Variants in DNM1 observed in about 807,000 individuals in gnomAD.
The protein encoded by DNM1 is dynamin-1.
A neutral mutation model predicts 104.6 loss-of-function variants in DNM1; 29 were observed. The ratio of observed to expected loss-of-function variants is 0.28; its 90% CI spans 0.21 to 0.38. The LOEUF (loss-of-function observed/expected upper bound fraction) is 0.38. DNM1 is among the 10% of genes least tolerant of loss of function. The pLI, the probability that DNM1 is intolerant of heterozygous loss-of-function variation, is 1.00. For missense variants in DNM1, 640 were observed against 1,189.4 expected (o/e 0.54, Z 6.79); for synonymous variants, 445 against 475.8 (o/e 0.94, Z 0.84).
chr9:128,237,888 T>C (rs7039261), intron 11 of DNM1, among the ~76,000 whole-genome samples: 9,719 of 151,500 alleles, frequency 0.064, 782 homozygotes, highest in African/African-American at 0.19. Context: ...GATCCTCCCA[T>C]CTTAGCTTCC....
chr9:128,232,186 C>A (rs1285953961), intron 10 of DNM1: 1 of 394,818 alleles, frequency 2.5e-6, no homozygotes, highest in Non-Finnish European at 5.1e-6. Flanking sequence ...CTCCTTCTCC[C>A]TGCTCCTCCA....
chr9:128,246,175 C>T (rs1251936170), intron 15 of DNM1, among the ~76,000 whole-genome samples: 2 of 152,166 alleles, frequency 1.3e-5, no homozygotes, highest in South Asian at 2.1e-4. Flanking sequence ...AGCCCCCTGG[C>T]CCCCGGCATA....
At chr9:128,237,266 CT>C (rs11298166) in intron 11 of DNM1, among the ~76,000 whole-genome samples, 48,683 of 146,736 alleles carry the variant, frequency 0.33, 9,505 homozygotes, top group African/African-American at 0.55. Flanking sequence ...TATCCTTGTT[CT>C]TTTTTTTTTT....
chr9:128,245,124 G>A lies in DNM1; in HGVS notation c.1672-1270G>A, dbSNP rs531769895. On this transcript the variant is annotated intron_variant, in intron 15 of 21. Coordinates refer to ENST00000372923, the MANE Select transcript of DNM1 (RefSeq NM_004408.4). The surrounding 1 kb of genome is among the most constrained non-coding windows in gnomAD (Gnocchi z 5.2). Reference sequence around the variant, plus strand: ...CCCGAAGCACAGGGCGGGTGGTGGCGGGGCCTCTCTCGAACGGTTCCAGAT... The same window carrying A: ...CCCGAAGCACAGGGCGGGTGGTGGCAGGGCCTCTCTCGAACGGTTCCAGAT... The A allele has an allele frequency of 9.6e-5, 21 of 218,334 alleles. No homozygotes were observed. Among genetic ancestry groups the A allele is most frequent in the Non-Finnish European group, 1.7e-4 (18 of 104,088 alleles). The allele number at this position is 218,334 out of a possible 1,614,324, so 13.5% of individuals were successfully genotyped here. A position where few individuals can be genotyped will look rare whatever the true frequency, so the allele number is the denominator to read the frequency against.
Position 128,234,124 on chromosome 9 carries a change from C to T in DNM1, c.1422+17C>T, listed in dbSNP as rs1835863584. 1 of 1,512,994 alleles carries T rather than the reference C, an allele frequency of 6.6e-7. No individual in the cohort carries two copies. Among genetic ancestry groups the T allele is most frequent in the Non-Finnish European group, 8.9e-7 (1 of 1,125,802 alleles). 93.7% of individuals were successfully genotyped at this position (1,512,994 alleles called of 1,614,324 possible). On this transcript the variant is annotated intron_variant, in intron 11 of 21. Coordinates refer to ENST00000372923, the MANE Select transcript of DNM1 (RefSeq NM_004408.4). ...AAGGAGCAGGTGAGCCCCGCAGCAC[C>T]CGGCCTGGCCGCGCCTTCCTTCCAC...
chr9:128,247,787 G>A lies in DNM1; in HGVS notation c.1894-137G>A, dbSNP rs1405503031. On this transcript the variant is annotated intron_variant, in intron 17 of 21. Transcript: ENST00000372923. This position sits in a 1 kb window ranked among gnomAD's most constrained non-coding sequence, Gnocchi z 5.1. ...CTTTTCTCCCCTATTTCACTGTGGC[G>A]ATGTCTAGAGTAGCCTGAGAGTTGG... The A allele has an allele frequency of 1.1e-5, 13 of 1,142,218 alleles. No homozygotes were observed. The highest frequency in any genetic ancestry group is 2.3e-5 in the Admixed American group (1 of 44,260). 70.8% of individuals were successfully genotyped at this position (1,142,218 alleles called of 1,614,324 possible).
chr9:128,211,089 C>T (rs536838683), intron 1 of DNM1, among the ~76,000 whole-genome samples: 1 of 152,266 alleles, frequency 6.6e-6, no homozygotes, highest in Non-Finnish European at 1.5e-5. Context: ...CCCCCATCCT[C>T]CCCATCTGAC....
Position 128,218,269 on chromosome 9 carries a change from G to A in DNM1, c.200G>A (p.Arg67His). 1 of 1,614,060 alleles carries A rather than the reference G, an allele frequency of 6.2e-7. No homozygotes were observed. Among genetic ancestry groups the A allele is most frequent in the Non-Finnish European group, 8.5e-7 (1 of 1,180,006 alleles). Residue 67 changes from arginine to histidine, a missense_variant, in exon 2 of 22, where the codon CGT (arginine) becomes CAT (histidine). Physicochemically the swap from Arg to His is conservative, Grantham distance 29. Around this residue, in one of 7 missense-constraint regions of DNM1, gnomAD observed 172 missense variants for 335.3 expected, o/e 0.51. Transcript: ENST00000372923. The surrounding 1 kb of genome is among the most constrained non-coding windows in gnomAD (Gnocchi z 4.8). ...CGAGGATCTGGCATTGTCACCCGAC[G>A]TCCCCTGGTCTTGCAGCTGGTCAAT... is the stretch of plus-strand genomic sequence containing the variant. Reference protein sequence around the residue: ...LPRGSGIVTRRPLVLQLVNAT... With the variant: ...LPRGSGIVTRHPLVLQLVNAT...
rs771676863 is a variant in DNM1, at chr9:128,224,207, A to G, written c.1197-44A>G. The G allele has an allele frequency of 3.8e-6, 6 of 1,592,456 alleles. No individual in the cohort carries two copies. The South Asian group carries it at 6.9e-5, about 18-fold the overall frequency. Reference sequence around the variant, plus strand: ...CCTCGGCCTGGCCCTCCTGGCCGGCACTGGCCTGTGACACTCTGCCCTTCT... The same window carrying G: ...CCTCGGCCTGGCCCTCCTGGCCGGCGCTGGCCTGTGACACTCTGCCCTTCT... On this transcript the variant is annotated intron_variant, in intron 9 of 21. Transcript: ENST00000372923. This position sits in a 1 kb window ranked among gnomAD's most constrained non-coding sequence, Gnocchi z 4.3.
chr9:128,222,721 G>T lies in DNM1; in HGVS notation c.1129-72G>T. 3 of 1,605,130 alleles carry T rather than the reference G, an allele frequency of 1.9e-6. No individual in the cohort carries two copies. The highest frequency in any genetic ancestry group is 2.6e-6 in the Non-Finnish European group (3 of 1,172,986). On this transcript the variant is annotated intron_variant, in intron 8 of 21. Transcript: ENST00000372923. The surrounding 1 kb of genome is among the most constrained non-coding windows in gnomAD (Gnocchi z 7.8). The stretch of plus-strand genomic sequence containing the variant: ...CCCTGATGCCCAGCCCTAGGTGTGG[G>T]GTGGGCCCTGTCTTGACCTCCCAGG...
At chr9:128,234,141 T>G (rs1564341873) in intron 11 of DNM1, 34 bp downstream of exon 11, 1 of 1,485,964 alleles carries the variant, frequency 6.7e-7, no homozygotes, top group East Asian at 2.5e-5. Flanking sequence ...GGCCGCGCCT[T>G]CCTTCCACTC....
Position 128,212,659 on chromosome 9 carries a change from A to G in DNM1, c.162-5572A>G, listed in dbSNP as rs10987935. Among the ~76,000 whole-genome samples the G allele has an allele frequency of 2.8e-3, 433 of 152,304 alleles. 9 individuals are homozygous for G. In the East Asian group the frequency reaches 0.061, roughly 21 times the overall value. On this transcript the variant is annotated intron_variant, in intron 1 of 21. Coordinates refer to ENST00000372923, the MANE Select transcript of DNM1 (RefSeq NM_004408.4). ...GAGCGCCTGAGAGGCATGTGATTTC[A>G]CCTTTCTGAGTCTCAGTTTCTTCCC...
intron 11 of DNM1, among the ~76,000 whole-genome samples, chr9:128,234,489 C>T (rs1412059718): frequency 2.0e-5 from 3 of 152,168 alleles, no homozygotes; most frequent in Non-Finnish European, 2.9e-5. Flanking sequence ...CTCAGCCTCC[C>T]GAGTAGCTGG....
rs1217935920 is a variant in DNM1, at chr9:128,248,279, G to A, written c.1906-304G>A. ...GAGGAGGTTGCAATGAGCCAATACAGCACCACTGCACTCCAGCCTGGGTGA... is the reference window on the plus strand; with the variant it reads ...GAGGAGGTTGCAATGAGCCAATACAACACCACTGCACTCCAGCCTGGGTGA... On this transcript the variant is annotated intron_variant, in intron 18 of 21. Transcript: ENST00000372923. The surrounding 1 kb of genome is among the most constrained non-coding windows in gnomAD (Gnocchi z 5.6). The A allele has an allele frequency of 2.1e-6, 1 of 487,012 alleles. No individual in the cohort carries two copies. The highest frequency in any genetic ancestry group is 3.7e-6 in the Non-Finnish European group (1 of 270,900). 30.2% of individuals were successfully genotyped at this position (487,012 alleles called of 1,614,324 possible).
rs1250706597 is a variant in DNM1 at position 128,222,922 on chromosome 9, A to G, written c.1196+62A>G. 1 of 1,515,232 alleles carries G rather than the reference A, an allele frequency of 6.6e-7. No homozygotes were observed. Among genetic ancestry groups the G allele is most frequent in the African/African-American group, 1.4e-5 (1 of 72,902 alleles). The allele number at this position is 1,515,232 out of a possible 1,614,324, so 93.9% of individuals were successfully genotyped here. On this transcript the variant is annotated intron_variant, in intron 9 of 21. Transcript: ENST00000372923. The surrounding 1 kb of genome is among the most constrained non-coding windows in gnomAD (Gnocchi z 7.8). ...GAAGTAGGGGGTCTGGGACAGAGGCACAGGGAGTGATGAAGTGGGCCTCCC... is the reference window on the plus strand; with the variant it reads ...GAAGTAGGGGGTCTGGGACAGAGGCGCAGGGAGTGATGAAGTGGGCCTCCC...
At chr9:128,226,255 G>A (rs1377665533) in intron 10 of DNM1, 3 of 1,574,910 alleles carry the variant, frequency 1.9e-6, no homozygotes, top group South Asian at 1.2e-5. Flanking sequence ...AGGATCTGCT[G>A]AGCCGGCCTC....
intron 11 of DNM1, among the ~76,000 whole-genome samples, chr9:128,237,510 CT>C (rs1232920333): frequency 6.6e-6 from 1 of 152,098 alleles, no homozygotes; most frequent in African/African-American, 2.4e-5. Context: ...CTCAAGCGAT[CT>C]ACCTGCCTCG....
At chr9:128,244,445 A>T (rs1036544975) in intron 15 of DNM1, among the ~76,000 whole-genome samples, 3 of 151,752 alleles carry the variant, frequency 2.0e-5, no homozygotes, top group African/African-American at 7.3e-5. Flanking sequence ...GTACTTCTCT[A>T]CTCAACCACC....
chr9:128,226,247 G>A lies in DNM1; in HGVS notation c.1335+1858G>A, dbSNP rs374962587. The A allele has an allele frequency of 2.9e-5, 46 of 1,588,446 alleles. 1 individual carries two copies. In the African/African-American group the frequency reaches 3.6e-4, roughly 13 times the overall value. On this transcript the variant is annotated intron_variant, in intron 10 of 21. Coordinates refer to ENST00000372923, the MANE Select transcript of DNM1 (RefSeq NM_004408.4). ...GGCCACAGCCTCCCGTGGGCAGAAG[G>A]ATCTGCTGAGCCGGCCTCACGGCTA...
Sources: gnomAD v4.1 joint callset for allele counts (sites outside exome capture counted in the v4.1 genomes callset) on GRCh38, gnomAD v4.1.1 for gene constraint, gnomAD v4.1.1 regional missense constraint, Gnocchi (gnomAD v3.1) non-coding constraint, MANE v1.5 for transcripts, NCBI Gene and HGNC (gene_info 2026-07-23, HGNC 2026-07-21) for gene names.